Variants in CNTN4 observed in about 807,000 individuals in gnomAD.
The protein encoded by CNTN4 is contactin 4, also known as contactin-4.
CNTN4 carries 77 observed loss-of-function variants against 122.5 expected under a neutral mutation model. That is an observed-to-expected ratio of 0.63 (90% CI 0.52 to 0.76). The LOEUF is 0.76. Ranked by LOEUF, CNTN4 falls within the 30% of genes least tolerant of loss-of-function variation. CNTN4 has a pLI of 0.00. For synonymous variants in CNTN4, 512 were observed against 447.0 expected (o/e 1.15, Z -1.83); for missense variants, 1,256 against 1,259.1 (o/e 1.00, Z 0.04).
At chr3:2,446,363 A>C (rs753936757) in intron 3 of CNTN4, among the ~76,000 whole-genome samples, 4 of 152,194 alleles carry the variant, frequency 2.6e-5, no homozygotes, top group Admixed American at 6.5e-5. Flanking sequence ...ATGCAAAGAT[A>C]AACAAATGTG....
At chr3:2,667,025 A>T (rs1338289052) in intron 4 of CNTN4, among the ~76,000 whole-genome samples, 1 of 151,984 alleles carries the variant, frequency 6.6e-6, no homozygotes, top group Non-Finnish European at 1.5e-5. Context: ...AGTCTTTGCT[A>T]TTGTGAATCA....
At chr3:2,391,229 C>T (rs2046431274) in intron 3 of CNTN4, among the ~76,000 whole-genome samples, 1 of 152,152 alleles carries the variant, frequency 6.6e-6, no homozygotes, top group African/African-American at 2.4e-5. Context: ...TCAAAAATGA[C>T]TGAAGCATAA....
intron 19 of CNTN4, 182 bp from the exon 20 acceptor site, chr3:3,039,855 T>A: frequency 3.2e-6 from 2 of 629,534 alleles, no homozygotes; most frequent in Non-Finnish European, 5.8e-6. Flanking sequence ...CCCTGTCCAG[T>A]ACATCATAAC....
At chr3:2,761,115 C>A (rs2149689459) in intron 6 of CNTN4, among the ~76,000 whole-genome samples, 1 of 152,252 alleles carries the variant, frequency 6.6e-6, no homozygotes, top group Admixed American at 6.5e-5. Flanking sequence ...AAAGGCCCAC[C>A]TTGTACTCGT....
chr3:2,982,179 C>T (rs17024128), intron 13 of CNTN4, among the ~76,000 whole-genome samples: 4,980 of 152,156 alleles, frequency 0.033, 218 homozygotes, highest in African/African-American at 0.089. Context: ...TCTTCATATT[C>T]GGAACTGTGT....
intron 14 of CNTN4, among the ~76,000 whole-genome samples, chr3:3,021,087 A>G (rs10780015): frequency 0.34 from 51,604 of 151,954 alleles, 8,912 homozygotes; most frequent in Middle Eastern, 0.41. Context: ...TGAGCTGCCA[A>G]TCCCCCAGCA....
intron 14 of CNTN4, 79 bp downstream of exon 14, chr3:2,988,551 A>G: frequency 4.2e-6 from 6 of 1,413,326 alleles, no homozygotes; most frequent in Non-Finnish European, 6.0e-6. Flanking sequence ...AAGTGGCATC[A>G]TTCATATTAA....
At chr3:2,551,471 G>A (rs1163941852) in intron 3 of CNTN4, among the ~76,000 whole-genome samples, 1 of 151,936 alleles carries the variant, frequency 6.6e-6, no homozygotes, top group African/African-American at 2.4e-5. Context: ...CGTTTGTGAT[G>A]GCCAAAGATG....
At chr3:2,644,932 G>C (rs1321785214) in intron 4 of CNTN4, among the ~76,000 whole-genome samples, 1 of 150,536 alleles carries the variant, frequency 6.6e-6, no homozygotes, top group African/African-American at 2.4e-5. Flanking sequence ...ATGAATTAAT[G>C]CCTCCTTTCC....
chr3:2,587,869 C>T (rs2080275413), intron 4 of CNTN4, among the ~76,000 whole-genome samples: 1 of 151,792 alleles, frequency 6.6e-6, no homozygotes, highest in Admixed American at 6.6e-5. Context: ...CCCAAGGAGT[C>T]TAGAACTGTA....
chr3:2,455,473 T>C (rs2048965082), intron 3 of CNTN4, among the ~76,000 whole-genome samples: 2 of 151,992 alleles, frequency 1.3e-5, no homozygotes, highest in Admixed American at 1.3e-4. Flanking sequence ...TTCCCTAGTC[T>C]TTTTTCTTTT....
intron 2 of CNTN4, among the ~76,000 whole-genome samples, chr3:2,184,811 C>G (rs1055836288): frequency 3.3e-5 from 5 of 152,094 alleles, no homozygotes; most frequent in Admixed American, 1.3e-4. Flanking sequence ...GACTTCCCAG[C>G]CTCCAGAAGT....
chr3:2,626,631 C>G (rs1391834219), intron 4 of CNTN4, among the ~76,000 whole-genome samples: 2 of 152,060 alleles, frequency 1.3e-5, no homozygotes, highest in African/African-American at 4.8e-5. Context: ...ATTGGATTGG[C>G]TTGGAAGTGG....
intron 2 of CNTN4, among the ~76,000 whole-genome samples, chr3:2,141,260 C>G (rs1437209341): frequency 6.6e-6 from 1 of 152,086 alleles, no homozygotes; most frequent in African/African-American, 2.4e-5. Context: ...AGGTAAGGAT[C>G]TTAAAATGAG....
chr3:3,042,830 A>T (rs532454315), intron 21 of CNTN4, 147 bp from the exon 22 acceptor site: 1 of 705,862 alleles, frequency 1.4e-6, no homozygotes, highest in Admixed American at 2.3e-5. Context: ...CTCAGGATAT[A>T]CAGAGTCCTT....
At chr3:2,541,431 G>A (rs369932641) in intron 3 of CNTN4, among the ~76,000 whole-genome samples, 3 of 152,000 alleles carry the variant, frequency 2.0e-5, no homozygotes, top group African/African-American at 4.8e-5. Flanking sequence ...GAGAAAAACC[G>A]TTTTTTCCAT....
At position 2,400,433 on chromosome 3, in the gene CNTN4, ATATATATATATATATATC is replaced by A. The variant is rs1402235001; in HGVS notation, c.-89+61202_-89+61219del. ...TATATATATATATATATATACATAT[ATATATATATATATATATC>A]TCTTTTTTTCCTTCTTCTTAAATTT... is the stretch of plus-strand genomic sequence containing the variant. On this transcript the variant is annotated intron_variant, in intron 3 of 24. Transcript: ENST00000418658. 8.8e-3 allele frequency among the ~76,000 whole-genome samples: 1,180 copies of A among 133,764 alleles called. 53 individuals carry two copies. Among genetic ancestry groups the A allele is most frequent in the Non-Finnish European group, 0.013 (792 of 61,300 alleles). The allele number at this position is 133,764 out of a possible 152,430, so 87.8% of individuals were successfully genotyped here. A position where few individuals can be genotyped will look rare whatever the true frequency, so the allele number is the denominator to read the frequency against.
At chr3:2,940,279 A>G (rs2094601975) in intron 13 of CNTN4, among the ~76,000 whole-genome samples, 1 of 152,192 alleles carries the variant, frequency 6.6e-6, no homozygotes, top group Admixed American at 6.6e-5. Context: ...TCTAGGTATC[A>G]TGAATGGACA....
At chr3:2,964,595 T>C (rs1692110199) in intron 13 of CNTN4, among the ~76,000 whole-genome samples, 1 of 152,150 alleles carries the variant, frequency 6.6e-6, no homozygotes, top group Admixed American at 6.5e-5. Context: ...GTGTTTCTTA[T>C]AAGCTCCCAT....
Sources: allele counts gnomAD v4.1 joint callset (sites outside exome capture counted in the v4.1 genomes callset), GRCh38; gene constraint gnomAD v4.1.1; transcripts MANE v1.5; gene names NCBI Gene and HGNC (gene_info 2026-07-23, HGNC 2026-07-21).